CLCA1: variants seen among roughly 807,000 people sequenced by gnomAD.
CLCA1 encodes calcium-activated chloride channel regulator 1.
CLCA1 carries 59 observed loss-of-function variants against 85.6 expected under a neutral mutation model. That is an observed-to-expected ratio of 0.69 (90% CI 0.56 to 0.86). CLCA1 has a LOEUF of 0.86. Among genes scored for constraint, CLCA1 ranks in the 40% least tolerant of loss-of-function variants. The pLI, the probability that CLCA1 is intolerant of heterozygous loss-of-function variation, is 0.00. For missense variants in CLCA1, 1,022 were observed against 1,101.4 expected (o/e 0.93, Z 1.02); for synonymous variants, 396 against 398.3 (o/e 0.99, Z 0.07).
chr1:86,494,062 C>T, intron 10 of CLCA1, 125 bp from the exon 11 acceptor site: 1 of 1,057,816 alleles, frequency 9.5e-7, no homozygotes, highest in Non-Finnish European at 1.4e-6. Flanking sequence ...ATCAAACATG[C>T]ACACCTCTTC....
At chr1:86,477,466 CT>C (rs1297427479) in intron 4 of CLCA1, among the ~76,000 whole-genome samples, 1 of 152,228 alleles carries the variant, frequency 6.6e-6, no homozygotes, top group African/African-American at 2.4e-5. Context: ...TGGGCTAATT[CT>C]TGCAGCCAGC....
At chr1:86,495,730 GA>G in intron 12 of CLCA1, 55 bp downstream of exon 12, 1 of 1,507,928 alleles carries the variant, frequency 6.6e-7, no homozygotes. Flanking sequence ...GTTTCAAGAG[GA>G]AACTATTAAG....
intron 7 of CLCA1, among the ~76,000 whole-genome samples, chr1:86,488,686 A>G (rs1389899526): frequency 6.6e-6 from 1 of 152,168 alleles, no homozygotes; most frequent in African/African-American, 2.4e-5. Context: ...TATCAAGGAG[A>G]GACCAAGTGA....
chr1:86,474,545 C>T (rs1443164858), intron 3 of CLCA1, among the ~76,000 whole-genome samples: 1 of 139,792 alleles, frequency 7.2e-6, no homozygotes, highest in Non-Finnish European at 1.5e-5. Flanking sequence ...CAGAGCGAGA[C>T]TCCGTATCAA....
rs376884803 is a variant in CLCA1 at position 86,488,998 on chromosome 1, G to T, written c.1185G>T (p.Val395=). The T allele has an allele frequency of 7.4e-6, 12 of 1,613,560 alleles. No individual in the cohort carries two copies. The highest frequency in any genetic ancestry group is 6.7e-5 in the East Asian group (3 of 44,878). ...ICSGLRSAFT[V]IRKKYPTDGS... is the part of the protein sequence containing the mutation. ...CGTGCCCTAAATTCTGTCCTTAGGT[G>T]ATTAGGAAGAAATATCCAACTGATG... The change falls in exon 8 of 14, where the codon GTG becomes GTT. Residue 395 remains valine, a splice_region_variant and synonymous_variant. Transcript: ENST00000394711.
At chr1:86,498,921 G>A in intron 13 of CLCA1, 110 bp downstream of exon 13, 2 of 1,240,420 alleles carry the variant, frequency 1.6e-6, no homozygotes, top group East Asian at 2.4e-5. Flanking sequence ...CAGAAGGCAG[G>A]AGGGATCTTG....
Position 86,500,110 on chromosome 1 carries a change from T to C in CLCA1, c.*65T>C, listed in dbSNP as rs1007719273. ...CCTTTTTTTTGATTATAAAATTTTC[T>C]AAAATGTATTTTAGACTTCCTGTAG... On this transcript the variant is annotated 3_prime_UTR_variant, in exon 14 of 14. Coordinates refer to ENST00000394711, the MANE Select transcript of CLCA1 (RefSeq NM_001285.4). The C allele has an allele frequency of 3.1e-5, 35 of 1,144,216 alleles. No homozygotes were observed. In the Admixed American group the frequency reaches 4.1e-4, roughly 13 times the overall value. The allele number at this position is 1,144,216 out of a possible 1,614,324, so 70.9% of individuals were successfully genotyped here.
At chr1:86,482,956 A>G (rs1647859926) in intron 5 of CLCA1, among the ~76,000 whole-genome samples, 1 of 152,218 alleles carries the variant, frequency 6.6e-6, no homozygotes, top group Admixed American at 6.5e-5. Context: ...CTAAATATAT[A>G]AATCAGAAAT....
At position 86,473,484 on chromosome 1, in the gene CLCA1, T is replaced by C; in HGVS notation, c.230T>C (p.Val77Ala). The C allele has an allele frequency of 6.2e-7, 1 of 1,609,776 alleles. No homozygotes were observed. Among genetic ancestry groups the C allele is most frequent in the Non-Finnish European group, 8.5e-7 (1 of 1,176,278 alleles). ...GGAAAGCGATTTTATTTCAAAAATG[T>C]TGCCATTTTGATTCCTGAAACATGG... ...ATGKRFYFKNVAILIPETWKT... is the reference protein window; with the variant it reads ...ATGKRFYFKNAAILIPETWKT... The change falls in exon 2 of 14, where the codon GTT (valine) becomes GCT (alanine). Residue 77 changes from valine (V) to alanine (A), a missense_variant. Val to Ala is a moderately conservative substitution (Grantham distance 64, BLOSUM62 0). Transcript: ENST00000394711.
intron 4 of CLCA1, among the ~76,000 whole-genome samples, chr1:86,479,997 T>C (rs1157133728): frequency 2.0e-5 from 3 of 152,234 alleles, no homozygotes; most frequent in East Asian, 1.9e-4. Flanking sequence ...TTTCTTGAGA[T>C]AGACAATTTT....
intron 10 of CLCA1, among the ~76,000 whole-genome samples, chr1:86,493,933 C>A (rs971014773): frequency 7.9e-5 from 12 of 152,132 alleles, no homozygotes; most frequent in African/African-American, 2.7e-4. Context: ...ACCAAGGCAA[C>A]AATAAGCATA....
chr1:86,498,335 A>G (rs1648356103), intron 12 of CLCA1, among the ~76,000 whole-genome samples: 1 of 152,166 alleles, frequency 6.6e-6, no homozygotes. Context: ...ATTCCACTAA[A>G]TATCCAGGAA....
rs776766149 is a variant in CLCA1, at chr1:86,498,622, C to A, written c.2164C>A (p.Gln722Lys). 2 of 1,613,600 alleles carry A rather than the reference C, an allele frequency of 1.2e-6. No individual in the cohort carries two copies. Among genetic ancestry groups the A allele is most frequent in the Admixed American group, 3.3e-5 (2 of 59,992 alleles). The change falls in exon 13 of 14, where the codon CAA (glutamine) becomes AAA (lysine). Residue 722 changes from glutamine to lysine, a missense_variant. Coordinates refer to ENST00000394711, the MANE Select transcript of CLCA1 (RefSeq NM_001285.4). ...PRPEINKDDV[Q>K]HKQVCFSRTS... ...ACCTGAAATTAATAAGGATGATGTT[C>A]AACACAAGCAAGTGTGTTTCAGCAG... is the stretch of plus-strand genomic sequence containing the variant.
intron 7 of CLCA1, among the ~76,000 whole-genome samples, chr1:86,488,269 C>T (rs1465413512): frequency 6.6e-6 from 1 of 152,162 alleles, no homozygotes; most frequent in Non-Finnish European, 1.5e-5. Context: ...TGGACTCTTG[C>T]TTTCTCTTCT....
In CLCA1 at chr1:86,493,464, C is replaced by T. The variant is rs1268944144; in HGVS notation, c.1545C>T (p.Asp515=). 2 of 1,613,884 alleles carry T rather than the reference C, an allele frequency of 1.2e-6. No homozygotes were observed. The highest frequency in any genetic ancestry group is 2.7e-5 in the African/African-American group (2 of 74,916). ...TCGTGGACAGCACCGTGGGAAAGGACACTTTGTTTCTTATCACCTGGACAA... is the reference window on the plus strand; with the variant it reads ...TCGTGGACAGCACCGTGGGAAAGGATACTTTGTTTCTTATCACCTGGACAA... ...TVIVDSTVGK[D]TLFLITWTMQ... Residue 515 remains aspartate, a synonymous_variant, in exon 10 of 14, where the codon GAC becomes GAT. Transcript: ENST00000394711.
intron 12 of CLCA1, among the ~76,000 whole-genome samples, chr1:86,496,061 T>C (rs1648274747): frequency 6.6e-6 from 1 of 152,200 alleles, no homozygotes; most frequent in Non-Finnish European, 1.5e-5. Context: ...TGTAATCTTT[T>C]TGTACTTCAC....
chr1:86,471,582 C>T (rs1470733509), intron 1 of CLCA1, among the ~76,000 whole-genome samples: 1 of 152,182 alleles, frequency 6.6e-6, no homozygotes, highest in Non-Finnish European at 1.5e-5. Context: ...TTTCACAAGT[C>T]AAATGGTAAA....
chr1:86,498,859 T>C (rs1264071261), intron 13 of CLCA1, 48 bp downstream of exon 13: 3 of 1,574,916 alleles, frequency 1.9e-6, no homozygotes, highest in African/African-American at 1.4e-5. Flanking sequence ...ACCAGCCAAG[T>C]AGAAGAGCAG....
In CLCA1 at chr1:86,469,052, G is replaced by C; in HGVS notation, c.81G>C (p.Leu27=). The C allele has an allele frequency of 6.2e-7, 1 of 1,612,678 alleles. No individual in the cohort carries two copies. The highest frequency in any genetic ancestry group is 2.2e-5 in the East Asian group (1 of 44,850). The change falls in exon 1 of 14, where the codon CTG becomes CTC. Residue 27 remains leucine, a synonymous_variant. Transcript: ENST00000394711. ...CCCTGAGTAATTCACTCATTCAGCT[G>C]AACAACAATGGCTATGAAGGCATTG... ...EGALSNSLIQ[L]NNNGYEGIVV...
Sources: gnomAD v4.1 joint callset for allele counts (sites outside exome capture counted in the v4.1 genomes callset) on GRCh38, gnomAD v4.1.1 for gene constraint, MANE v1.5 for transcripts, NCBI Gene and HGNC (gene_info 2026-07-23, HGNC 2026-07-21) for gene names.